Variants in NAV2 observed in about 807,000 individuals in gnomAD.
NAV2 encodes helicase, APC down-regulated 1.
NAV2 carries 54 observed loss-of-function variants against 223.2 expected under a neutral mutation model. That is an observed-to-expected ratio of 0.24 (90% CI 0.19 to 0.30). The LOEUF (loss-of-function observed/expected upper bound fraction) is 0.30, where lower values mean the gene tolerates loss of function less well. Among genes scored for constraint, NAV2 ranks in the 10% least tolerant of loss-of-function variants. The probability of loss-of-function intolerance (pLI) is 1.00; values close to 1 mark genes in which losing one functional copy is unlikely to be tolerated. For synonymous variants in NAV2, 1,279 were observed against 1,239.3 expected (o/e 1.03, Z -0.67); for missense variants, 2,806 against 3,147.5 (o/e 0.89, Z 2.60).
intron 11 of NAV2, among the ~76,000 whole-genome samples, chr11:19,995,103 C>T (rs1178858542): frequency 6.6e-6 from 1 of 152,238 alleles, no homozygotes; most frequent in African/African-American, 2.4e-5. Context: ...ATACCTGGCT[C>T]TGCCACTAGT....
At chr11:19,561,217 A>T (rs1273286833) in intron 1 of NAV2, among the ~76,000 whole-genome samples, 3 of 152,224 alleles carry the variant, frequency 2.0e-5, no homozygotes, top group Non-Finnish European at 4.4e-5. Flanking sequence ...GTTCACTTTC[A>T]TCAAAATGAT....
intron 1 of NAV2, among the ~76,000 whole-genome samples, chr11:19,643,948 A>G (rs917494134): frequency 6.6e-6 from 1 of 152,262 alleles, no homozygotes; most frequent in South Asian, 2.1e-4. Flanking sequence ...ATATTTGAGC[A>G]CGTACATACC....
At chr11:19,412,038 C>T (rs938224862) in intron 1 of NAV2, among the ~76,000 whole-genome samples, 3 of 152,078 alleles carry the variant, frequency 2.0e-5, no homozygotes, top group Admixed American at 6.5e-5. Flanking sequence ...GTGTTTTTTT[C>T]ATATCCCAGT....
intron 19 of NAV2, 95 bp from the exon 20 acceptor site, chr11:20,062,212 G>A (rs2058750204): frequency 1.2e-6 from 1 of 825,608 alleles, no homozygotes; most frequent in South Asian, 1.7e-5. Context: ...TTCCAAGCCT[G>A]GAGTGTCCTG....
At chr11:19,442,114 A>G (rs1851425980) in intron 1 of NAV2, among the ~76,000 whole-genome samples, 2 of 152,200 alleles carry the variant, frequency 1.3e-5, no homozygotes. Context: ...CAGTTTTAGA[A>G]ACAGGGACTG....
chr11:19,987,140 A>G (rs573309828), intron 11 of NAV2, among the ~76,000 whole-genome samples: 2 of 152,344 alleles, frequency 1.3e-5, no homozygotes, highest in South Asian at 4.1e-4. Context: ...TTAATGTGAA[A>G]TATCAAGGAA....
intron 1 of NAV2, among the ~76,000 whole-genome samples, chr11:19,498,246 C>T (rs1185026612): frequency 1.3e-5 from 2 of 152,232 alleles, no homozygotes; most frequent in African/African-American, 2.4e-5. Flanking sequence ...ACGTGGGCCA[C>T]TGATGTGGTC....
intron 1 of NAV2, among the ~76,000 whole-genome samples, chr11:19,476,514 A>G (rs75763289): frequency 1.1e-4 from 16 of 152,042 alleles, no homozygotes; most frequent in African/African-American, 3.4e-4. Context: ...CCATTCCTGC[A>G]CTCTCTTCCA....
At chr11:20,031,476 C>T (rs1025075977) in intron 11 of NAV2, among the ~76,000 whole-genome samples, 56 of 152,144 alleles carry the variant, frequency 3.7e-4, no homozygotes, top group African/African-American at 1.3e-3. Flanking sequence ...AAACAAGTTA[C>T]GTTTCCCCAT....
intron 1 of NAV2, among the ~76,000 whole-genome samples, chr11:19,627,845 A>G (rs1164248359): frequency 1.3e-5 from 2 of 150,840 alleles, no homozygotes; most frequent in African/African-American, 4.9e-5. Flanking sequence ...CTAATCCGAC[A>G]TATACCTCTC....
intron 3 of NAV2, among the ~76,000 whole-genome samples, chr11:19,844,823 T>TG (rs368417841): frequency 0.012 from 1,555 of 132,284 alleles, 22 homozygotes; most frequent in Non-Finnish European, 0.019. Context: ...GAACTGTGTG[T>TG]TTTTTTTTTT....
intron 1 of NAV2, among the ~76,000 whole-genome samples, chr11:19,640,189 A>C (rs1404463149): frequency 6.6e-6 from 1 of 152,170 alleles, no homozygotes; most frequent in Non-Finnish European, 1.5e-5. Context: ...ACTTACCTGG[A>C]ATGGCATTTT....
chr11:19,620,316 T>C (rs1372034517), intron 1 of NAV2, among the ~76,000 whole-genome samples: 1 of 152,198 alleles, frequency 6.6e-6, no homozygotes, highest in African/African-American at 2.4e-5. Flanking sequence ...GGTAGCTTGA[T>C]GGGGATGGCA....
At chr11:19,612,753 C>T (rs1024771699) in intron 1 of NAV2, among the ~76,000 whole-genome samples, 2 of 152,204 alleles carry the variant, frequency 1.3e-5, no homozygotes, top group Non-Finnish European at 2.9e-5. Flanking sequence ...AGGTTCCAAA[C>T]TTCCCCACAT....
At chr11:19,822,565 G>A (rs1277739657) in intron 1 of NAV2, among the ~76,000 whole-genome samples, 4 of 152,114 alleles carry the variant, frequency 2.6e-5, no homozygotes, top group Non-Finnish European at 5.9e-5. Context: ...CACTCTTGCT[G>A]GTCACTTGCT....
chr11:19,799,698 G>A (rs2058123138), intron 1 of NAV2, among the ~76,000 whole-genome samples: 1 of 152,156 alleles, frequency 6.6e-6, no homozygotes, highest in Non-Finnish European at 1.5e-5. Context: ...TTCCTGCAGA[G>A]CATGTGCAAA....
chr11:19,835,797 A>C (rs1421122175), intron 2 of NAV2, among the ~76,000 whole-genome samples: 1 of 151,424 alleles, frequency 6.6e-6, no homozygotes, highest in Non-Finnish European at 1.5e-5. Flanking sequence ...ATATATCTAC[A>C]TAAAATTTTC....
At chr11:19,804,981 G>A (rs1426512184) in intron 1 of NAV2, among the ~76,000 whole-genome samples, 2 of 152,182 alleles carry the variant, frequency 1.3e-5, no homozygotes, top group Admixed American at 6.5e-5. Flanking sequence ...TTGGGCTGAA[G>A]TGAAAGGGAG....
At chr11:19,685,990 TCTC>T (rs3043467) in intron 1 of NAV2, among the ~76,000 whole-genome samples, 103,530 of 151,582 alleles carry the variant, frequency 0.68, 38,521 homozygotes, top group Admixed American at 0.84. Flanking sequence ...AGTCCAGAAT[TCTC>T]AGCATGCTCA....
Sources: gnomAD v4.1 joint callset for allele counts (sites outside exome capture counted in the v4.1 genomes callset) on GRCh38, gnomAD v4.1.1 for gene constraint, MANE v1.5 for transcripts, NCBI Gene and HGNC (gene_info 2026-07-23, HGNC 2026-07-21) for gene names.